The following TMEM163 variants were observed in gnomAD, a reference collection of about 807,000 sequenced individuals.
The protein encoded by TMEM163 is transmembrane protein 163.
TMEM163 carries 17 observed loss-of-function variants against 29.3 expected under a neutral mutation model. That is an observed-to-expected ratio of 0.58 (90% CI 0.40 to 0.87). The LOEUF (loss-of-function observed/expected upper bound fraction) is 0.87. Ranked by LOEUF, TMEM163 falls within the 40% of genes least tolerant of loss-of-function variation. The pLI is 0.00. For missense variants in TMEM163, 303 were observed against 381.5 expected (o/e 0.79, Z 1.71); for synonymous variants, 157 against 160.6 (o/e 0.98, Z 0.17).
chr2:134,525,055 C>T (rs941600505), intron 4 of TMEM163, among the ~76,000 whole-genome samples: 1 of 152,162 alleles, frequency 6.6e-6, no homozygotes, highest in East Asian at 1.9e-4. Context: ...TTTTAATAAT[C>T]GCCATTCTGA....
At chr2:134,669,832 G>A (rs908440853) in intron 2 of TMEM163, among the ~76,000 whole-genome samples, 8 of 152,170 alleles carry the variant, frequency 5.3e-5, no homozygotes, top group African/African-American at 1.9e-4. Context: ...AGAGGGATGA[G>A]GTGGAAAGAC....
At chr2:134,677,502 T>C (rs757134896) in intron 2 of TMEM163, among the ~76,000 whole-genome samples, 3 of 152,186 alleles carry the variant, frequency 2.0e-5, no homozygotes, top group Non-Finnish European at 4.4e-5. Flanking sequence ...ATTGCTTTTA[T>C]AAGCAAAAGA....
chr2:134,713,173 T>A, intron 2 of TMEM163, 27 bp downstream of exon 2: 1 of 1,609,106 alleles, frequency 6.2e-7, no homozygotes, highest in Non-Finnish European at 8.5e-7. Flanking sequence ...GCAGCACATA[T>A]TGGCCGACGA....
Position 134,492,238 on chromosome 2 carries a change from CCT to C in TMEM163, c.555+10661_555+10662del, listed in dbSNP as rs1558921185. Among the ~76,000 whole-genome samples, 4 of 152,286 alleles carry C rather than the reference CCT, an allele frequency of 2.6e-5. No individual in the cohort carries two copies. The South Asian group carries it at 8.3e-4, about 32-fold the overall frequency. On this transcript the variant is annotated intron_variant, in intron 5 of 7. Transcript: ENST00000281924. ...ATGTGTCACAATCAGGAAAACAAAA[CCT>C]CACTTCACAGCACCTTACAATATTT...
At chr2:134,479,807 TAGG>T (rs1422165036) in intron 5 of TMEM163, among the ~76,000 whole-genome samples, 1 of 152,152 alleles carries the variant, frequency 6.6e-6, no homozygotes, top group East Asian at 1.9e-4. Context: ...CAGCTCTGAT[TAGG>T]AGGCCTGATG....
intron 4 of TMEM163, among the ~76,000 whole-genome samples, chr2:134,545,389 G>A (rs1263176479): frequency 1.3e-5 from 2 of 152,132 alleles, no homozygotes; most frequent in Non-Finnish European, 2.9e-5. Context: ...TGTTCTCTGA[G>A]GAAGCTGCTT....
At chr2:134,570,747 C>G (rs973526732) in intron 2 of TMEM163, among the ~76,000 whole-genome samples, 2 of 152,020 alleles carry the variant, frequency 1.3e-5, no homozygotes, top group African/African-American at 2.4e-5. Context: ...AATGGTGCGA[C>G]AGAAAAGGTC....
intron 2 of TMEM163, among the ~76,000 whole-genome samples, chr2:134,632,296 C>T (rs931467213): frequency 2.0e-5 from 3 of 152,152 alleles, no homozygotes; most frequent in African/African-American, 7.2e-5. Context: ...CCTCTCTGGA[C>T]ACTGGTTAGT....
intron 1 of TMEM163, among the ~76,000 whole-genome samples, chr2:134,714,689 A>G (rs1685000389): frequency 6.6e-6 from 1 of 152,236 alleles, no homozygotes; most frequent in Non-Finnish European, 1.5e-5. Context: ...CAGAATCAAA[A>G]GGGAGATGAA....
intron 2 of TMEM163, among the ~76,000 whole-genome samples, chr2:134,581,427 C>T (rs1367751636): frequency 6.6e-6 from 1 of 152,178 alleles, no homozygotes; most frequent in Non-Finnish European, 1.5e-5. Context: ...CAGAACATAT[C>T]TAAAATTCTC....
In TMEM163 at chr2:134,508,464, C is replaced by G. The variant is rs1172435853; in HGVS notation, c.459-5467G>C. On this transcript the variant is annotated intron_variant, in intron 4 of 7. Transcript: ENST00000281924. ...ACTTATGACTGCACAATTCCTAATG[C>G]TGGTTTTCTCCAGCTAAGCCCTCTT... Among the ~76,000 whole-genome samples, 3 of 151,846 alleles carry G rather than the reference C, an allele frequency of 2.0e-5. No individual in the cohort carries two copies. The East Asian group carries it at 5.9e-4, about 30-fold the overall frequency.
Position 134,718,900 on chromosome 2 carries a change from G to A in TMEM163, c.36C>T (p.Ser12=), listed in dbSNP as rs1685101921. 1.7e-5 allele frequency: 18 copies of A among 1,084,070 alleles called. No individual in the cohort carries two copies. The highest frequency in any genetic ancestry group is 2.0e-5 in the Non-Finnish European group (18 of 895,048). The allele number at this position is 1,084,070 out of a possible 1,614,324, so 67.2% of individuals were successfully genotyped here. A position where few individuals can be genotyped will look rare whatever the true frequency, so the allele number is the denominator to read the frequency against. The change falls in exon 1 of 8, where the codon TCC becomes TCT. Residue 12 remains serine (S), a synonymous_variant. Coordinates refer to ENST00000281924, the MANE Select transcript of TMEM163 (RefSeq NM_030923.5). ...EPAAGIQRRS[S]QGPTVPPPPR... is the part of the protein sequence containing the mutation. ...GCGGCGGCGGGACGGTGGGCCCCTG[G>A]GAGCTGCGGCGCTGGATGCCCGCGG...
chr2:134,699,309 G>C (rs1201114887), intron 2 of TMEM163, among the ~76,000 whole-genome samples: 1 of 152,136 alleles, frequency 6.6e-6, no homozygotes, highest in Non-Finnish European at 1.5e-5. Context: ...TTCGAGACCA[G>C]GCTGGCCAAC....
At chr2:134,652,099 T>G (rs1455656993) in intron 2 of TMEM163, among the ~76,000 whole-genome samples, 2 of 140,498 alleles carry the variant, frequency 1.4e-5, no homozygotes, top group African/African-American at 6.0e-5. Context: ...TTGGTAGCTT[T>G]ATGGGAATGG....
intron 2 of TMEM163, among the ~76,000 whole-genome samples, chr2:134,621,665 C>T (rs900256655): frequency 2.1e-4 from 32 of 151,116 alleles, no homozygotes; most frequent in African/African-American, 7.3e-4. Context: ...CTGAGGCAGG[C>T]GAATTACGAG....
chr2:134,530,343 T>C (rs578384), intron 4 of TMEM163, among the ~76,000 whole-genome samples: 110,884 of 152,134 alleles, frequency 0.73, 42,604 homozygotes, highest in East Asian at 0.99. Flanking sequence ...GTGATTAAGG[T>C]TCACTGTAAC....
chr2:134,503,261 T>C (rs534391373), intron 4 of TMEM163, among the ~76,000 whole-genome samples: 3 of 152,316 alleles, frequency 2.0e-5, no homozygotes, highest in East Asian at 1.9e-4. Flanking sequence ...AATGCTGTCA[T>C]GGAAGGGTCT....
intron 2 of TMEM163, among the ~76,000 whole-genome samples, chr2:134,607,098 G>A (rs1314733524): frequency 1.5e-5 from 2 of 131,598 alleles, no homozygotes; most frequent in Non-Finnish European, 3.2e-5. Flanking sequence ...AACTGTGCTG[G>A]TGAAAAGGAC....
chr2:134,689,650 G>A (rs560549645), intron 2 of TMEM163, among the ~76,000 whole-genome samples: 84 of 152,220 alleles, frequency 5.5e-4, no homozygotes, highest in Non-Finnish European at 1.1e-3. Flanking sequence ...AGAGAGGTGG[G>A]GGAAACGTTC....
Sources: gnomAD v4.1 joint callset for allele counts (sites outside exome capture counted in the v4.1 genomes callset) on GRCh38, gnomAD v4.1.1 for gene constraint, MANE v1.5 for transcripts, NCBI Gene and HGNC (gene_info 2026-07-23, HGNC 2026-07-21) for gene names.